KIAA0513: variants seen among roughly 807,000 people sequenced by gnomAD.
KIAA0513 encodes uncharacterized protein KIAA0513.
Under a neutral mutation model 56.5 loss-of-function variants are expected in KIAA0513, and 39 were observed. The ratio of observed to expected loss-of-function variants is 0.69; its 90% CI spans 0.53 to 0.90. KIAA0513 has a LOEUF of 0.90. KIAA0513 is among the 40% of genes least tolerant of loss of function. The pLI, the probability that KIAA0513 is intolerant of heterozygous loss-of-function variation, is 0.00. For missense variants in KIAA0513, 591 were observed against 535.2 expected (o/e 1.10, Z -1.03); for synonymous variants, 268 against 215.6 (o/e 1.24, Z -2.13).
Position 85,080,486 on chromosome 16 carries a change from CT to C in KIAA0513, c.903-828del, listed in dbSNP as rs58924973. 2.7e-3 allele frequency among the ~76,000 whole-genome samples: 409 copies of C among 152,298 alleles called. 1 individual carries two copies. The highest frequency in any genetic ancestry group is 9.4e-3 in the African/African-American group (392 of 41,560). Reference sequence around the variant, plus strand: ...CCTACACACCATCGTTTGCCAACCCCTGATGTTCTTTAAGAAGAATTTTTCT... The same window carrying C: ...CCTACACACCATCGTTTGCCAACCCCGATGTTCTTTAAGAAGAATTTTTCT... On this transcript the variant is annotated intron_variant, in intron 8 of 12. Coordinates refer to ENST00000683363, the MANE Select transcript of KIAA0513 (RefSeq NM_001388359.1).
At chr16:85,079,897 T>C (rs16975202) in intron 8 of KIAA0513, 9,310 of 152,376 alleles carry the variant, frequency 0.061, 474 homozygotes, top group East Asian at 0.26. Context: ...GCATATGGCC[T>C]GGCTCCGCAG....
intron 8 of KIAA0513, 174 bp downstream of exon 8, chr16:85,079,177 A>G: frequency 7.3e-7 from 1 of 1,362,980 alleles, no homozygotes; most frequent in Non-Finnish European, 9.8e-7. Context: ...ATGTGGAGAA[A>G]CTGGAGCTCT....
At chr16:85,048,300 G>A (rs1350185749) in intron 1 of KIAA0513, among the ~76,000 whole-genome samples, 2 of 152,144 alleles carry the variant, frequency 1.3e-5, no homozygotes, top group African/African-American at 2.4e-5. Flanking sequence ...GTCAGCACGC[G>A]AGCCTATCCT....
In KIAA0513 at chr16:85,088,314, G is replaced by T; in HGVS notation, c.1225G>T (p.Ala409Ser). Residue 409 changes from alanine to serine, a missense_variant, in exon 13 of 13, where the codon GCC becomes TCC. Coordinates refer to ENST00000683363, the MANE Select transcript of KIAA0513 (RefSeq NM_001388359.1). ...KLLSDHIEQM[A>S]TE ...GCTTAGTGACCACATTGAGCAAATG[G>T]CCACTGAGTAGGCCCCAGAGGTCGC... 6.2e-7 allele frequency: 1 copy of T among 1,611,194 alleles called. No homozygotes were observed.
At chr16:85,087,330 A>G (rs1230936016) in intron 12 of KIAA0513, among the ~76,000 whole-genome samples, 164 bp downstream of exon 12, 1 of 152,172 alleles carries the variant, frequency 6.6e-6, no homozygotes, top group East Asian at 1.9e-4. Context: ...CCCAGTCTGT[A>G]TAGACAGACG....
At chr16:85,080,657 G>T (rs143951711) in intron 8 of KIAA0513, among the ~76,000 whole-genome samples, 94 of 152,270 alleles carry the variant, frequency 6.2e-4, no homozygotes, top group African/African-American at 2.1e-3. Flanking sequence ...AGCTGGGTGT[G>T]GTGGCGCATG....
chr16:85,036,352 C>T (rs2073036438), intron 1 of KIAA0513, among the ~76,000 whole-genome samples: 1 of 152,212 alleles, frequency 6.6e-6, no homozygotes, highest in South Asian at 2.1e-4. Context: ...CCCAAACTGG[C>T]CTCTGACAAC....
chr16:85,078,552 C>T (rs902581478), intron 7 of KIAA0513, 97 bp downstream of exon 7: 14 of 1,193,552 alleles, frequency 1.2e-5, no homozygotes, highest in African/African-American at 9.2e-5. Context: ...CCTGCCTCCA[C>T]GGAGCATGGG....
At chr16:85,065,454 GC>G (rs2073466313) in intron 1 of KIAA0513, among the ~76,000 whole-genome samples, 1 of 152,232 alleles carries the variant, frequency 6.6e-6, no homozygotes, top group Admixed American at 6.5e-5. Flanking sequence ...ACGGAGGCTT[GC>G]TTTGCGGGGC....
In KIAA0513 at chr16:85,071,763, C is replaced by CTT; in HGVS notation, c.330-19_330-18insTT. 21 of 1,370,800 alleles carry CTT rather than the reference C, an allele frequency of 1.5e-5. No individual in the cohort carries two copies. Among genetic ancestry groups the CTT allele is most frequent in the East Asian group, 7.2e-5 (3 of 41,722 alleles). 84.9% of individuals were successfully genotyped at this position (1,370,800 alleles called of 1,614,324 possible). On this transcript the variant is annotated intron_variant, in intron 2 of 12. Transcript: ENST00000683363. ...AAGGGTTTTTTTTTTTTTTCCTCTG[C>CTT]TCTTTTTTTTTTTTTTTAGGGAGGA...
chr16:85,064,946 A>C (rs921074738), intron 1 of KIAA0513, among the ~76,000 whole-genome samples: 16 of 152,136 alleles, frequency 1.1e-4, no homozygotes, highest in African/African-American at 3.6e-4. Context: ...CAGCCTCCCA[A>C]AGTGCTGGGA....
Position 85,087,156 on chromosome 16 carries a change from C to G in KIAA0513, c.1176C>G (p.Asn392Lys), listed in dbSNP as rs766363888. Residue 392 changes from asparagine (N) to lysine (K), a missense_variant, in exon 12 of 13, where the codon AAC becomes AAG. Transcript: ENST00000683363. ...DFLKKQAVIG[N>K]LDEEQYKLLS... is the part of the protein sequence containing the mutation. Reference sequence around the variant, plus strand: ...TGAAGAAGCAGGCTGTGATTGGCAACCTGGATGAAGGTGCGTCTGGGGGAG... The same window carrying G: ...TGAAGAAGCAGGCTGTGATTGGCAAGCTGGATGAAGGTGCGTCTGGGGGAG... 2 of 1,613,864 alleles carry G rather than the reference C, an allele frequency of 1.2e-6. No individual in the cohort carries two copies. The highest frequency in any genetic ancestry group is 1.7e-5 in the Admixed American group (1 of 60,004).
At chr16:85,042,151 T>C (rs966309730) in intron 1 of KIAA0513, among the ~76,000 whole-genome samples, 3 of 152,356 alleles carry the variant, frequency 2.0e-5, no homozygotes, top group Admixed American at 1.3e-4. Context: ...TCAACTCTTT[T>C]CTTTTGGCAG....
chr16:85,051,296 C>A (rs1014824061), intron 1 of KIAA0513, among the ~76,000 whole-genome samples: 4 of 152,132 alleles, frequency 2.6e-5, no homozygotes, highest in African/African-American at 7.2e-5. Flanking sequence ...GAACTGTGAA[C>A]CAAATTTAGA....
intron 1 of KIAA0513, among the ~76,000 whole-genome samples, chr16:85,055,690 G>A (rs1262205252): frequency 6.6e-6 from 1 of 152,120 alleles, no homozygotes; most frequent in East Asian, 1.9e-4. Context: ...TACTTAATCT[G>A]TTGCACAGAA....
intron 1 of KIAA0513, among the ~76,000 whole-genome samples, chr16:85,045,140 CA>C (rs71151264): frequency 0.075 from 11,208 of 150,442 alleles, 704 homozygotes; most frequent in South Asian, 0.17. Context: ...TAATAAATGA[CA>C]AAAAAAAAGA....
At position 85,078,932 on chromosome 16, in the gene KIAA0513, G is replaced by T. The variant is rs140535549; in HGVS notation, c.831G>T (p.Ala277=). The change falls in exon 8 of 13, where the codon GCG becomes GCT. Residue 277 remains alanine (A), a synonymous_variant. Coordinates refer to ENST00000683363, the MANE Select transcript of KIAA0513 (RefSeq NM_001388359.1). ...TTCTCTCTCCTCCCACAGTGACCGC[G>T]TACAGCCCCGAGGACGAAAAGAAGG... is the stretch of plus-strand genomic sequence containing the variant. ...PQEKRPRAVT[A]YSPEDEKKGE... 1.9e-6 allele frequency: 3 copies of T among 1,614,026 alleles called. No homozygotes were observed. The highest frequency in any genetic ancestry group is 2.7e-5 in the African/African-American group (2 of 74,918).
At chr16:85,058,974 C>T (rs1297894634) in intron 1 of KIAA0513, among the ~76,000 whole-genome samples, 1 of 152,174 alleles carries the variant, frequency 6.6e-6, no homozygotes, top group African/African-American at 2.4e-5. Context: ...TCCACCGTCT[C>T]GTAGTTGCTC....
intron 1 of KIAA0513, among the ~76,000 whole-genome samples, chr16:85,033,631 T>A (rs1402559242): frequency 1.3e-5 from 2 of 151,312 alleles, no homozygotes; most frequent in African/African-American, 4.9e-5. Context: ...CCTCAGGGAG[T>A]TCATAGAGCA....
Sources: allele counts gnomAD v4.1 joint callset (sites outside exome capture counted in the v4.1 genomes callset), GRCh38; gene constraint gnomAD v4.1.1; transcripts MANE v1.5; gene names NCBI Gene and HGNC (gene_info 2026-07-23, HGNC 2026-07-21).